ITPRID1: variants seen among roughly 807,000 people sequenced by gnomAD.
The protein encoded by ITPRID1 is ITPR interacting domain containing 1.
In ITPRID1, 96 loss-of-function variants were observed where a neutral mutation model predicts 95.4. That is an observed-to-expected ratio of 1.01 (90% CI 0.85 to 1.19). The LOEUF is 1.19. Ranked by LOEUF, ITPRID1 falls within the 50% of genes most tolerant of loss-of-function variation. The pLI, the probability that ITPRID1 is intolerant of heterozygous loss-of-function variation, is 0.00. For synonymous variants in ITPRID1, 510 were observed against 453.6 expected, an observed-to-expected ratio of 1.12 and a Z score of -1.58; for missense variants, 1,339 against 1,252.9, an observed-to-expected ratio of 1.07 and a Z score of -1.04.
chr7:31,575,431 A>T (rs1414024621), intron 8 of ITPRID1, among the ~76,000 whole-genome samples: 2 of 152,228 alleles, frequency 1.3e-5, no homozygotes, highest in Non-Finnish European at 2.9e-5. Flanking sequence ...CTGGTGGTCA[A>T]TGTAATCCTT....
intron 10 of ITPRID1, among the ~76,000 whole-genome samples, chr7:31,617,748 T>C (rs1787400787): frequency 6.6e-6 from 1 of 152,162 alleles, no homozygotes; most frequent in Non-Finnish European, 1.5e-5. Flanking sequence ...CTACCTAAAA[T>C]GAGTTCAATG....
chr7:31,617,698 G>C (rs1787394534), intron 10 of ITPRID1, among the ~76,000 whole-genome samples: 1 of 151,834 alleles, frequency 6.6e-6, no homozygotes, highest in African/African-American at 2.4e-5. Context: ...ATTTATATTA[G>C]TGCTCCCTCC....
chr7:31,598,549 G>A (rs1035171681), intron 10 of ITPRID1, among the ~76,000 whole-genome samples: 2 of 151,550 alleles, frequency 1.3e-5, no homozygotes, highest in Middle Eastern at 3.4e-3. Flanking sequence ...GACTACAGGC[G>A]CCCGCTACCA....
intron 10 of ITPRID1, among the ~76,000 whole-genome samples, chr7:31,631,579 T>A (rs1344938140): frequency 6.6e-6 from 1 of 152,200 alleles, no homozygotes; most frequent in Non-Finnish European, 1.5e-5. Flanking sequence ...CAAAGATAAG[T>A]TAATTTTACA....
At chr7:31,621,786 G>T (rs1021066136) in intron 10 of ITPRID1, among the ~76,000 whole-genome samples, 2 of 149,114 alleles carry the variant, frequency 1.3e-5, no homozygotes, top group African/African-American at 4.9e-5. Flanking sequence ...TGGACTAAAT[G>T]CTCCAATTAA....
Position 31,571,944 on chromosome 7 carries a change from C to T in ITPRID1, c.309-158C>T, listed in dbSNP as rs73689139. Among the ~76,000 whole-genome samples, 836 of 152,320 alleles carry T rather than the reference C, an allele frequency of 5.5e-3. 14 individuals are homozygous for T. The highest frequency in any genetic ancestry group is 0.019 in the African/African-American group (795 of 41,578). ...CTCTTGAAAACAGGAGCAGCTCCTC[C>T]ACTGCAAGCTGTCTTCTGCAAAGGT... On this transcript the variant is annotated intron_variant, in intron 6 of 14. Transcript: ENST00000615280.
intron 10 of ITPRID1, among the ~76,000 whole-genome samples, chr7:31,637,879 G>T (rs920735563): frequency 1.3e-5 from 2 of 152,112 alleles, no homozygotes; most frequent in Admixed American, 6.6e-5. Flanking sequence ...GGTCTAACAT[G>T]TAAGTCTTTA....
chr7:31,546,820 T>G (rs748985426), intron 1 of ITPRID1, among the ~76,000 whole-genome samples: 9 of 152,054 alleles, frequency 5.9e-5, no homozygotes, highest in Non-Finnish European at 1.0e-4. Flanking sequence ...TGATTTACAC[T>G]GAACTATGGG....
chr7:31,567,583 CTT>C (rs377413846), intron 5 of ITPRID1, among the ~76,000 whole-genome samples: 1,346 of 131,562 alleles, frequency 0.01, 13 homozygotes, highest in African/African-American at 0.028. Flanking sequence ...CCGCCTGACT[CTT>C]TTTTTTTTTT....
At chr7:31,558,854 T>C (rs1475389724) in intron 5 of ITPRID1, among the ~76,000 whole-genome samples, 1 of 152,162 alleles carries the variant, frequency 6.6e-6, no homozygotes, top group Non-Finnish European at 1.5e-5. Flanking sequence ...TGAGCCAATT[T>C]TGGGTGGCAG....
At chr7:31,585,320 C>T (rs942795274) in intron 10 of ITPRID1, among the ~76,000 whole-genome samples, 10 of 152,228 alleles carry the variant, frequency 6.6e-5, no homozygotes, top group Non-Finnish European at 1.5e-4. Flanking sequence ...ACTCTGCATA[C>T]TAGCAGAAAA....
intron 10 of ITPRID1, among the ~76,000 whole-genome samples, chr7:31,585,542 A>C (rs2128150828): frequency 6.6e-6 from 1 of 152,292 alleles, no homozygotes; most frequent in Non-Finnish European, 1.5e-5. Context: ...ATATTCTCTA[A>C]GACTAGGACT....
chr7:31,524,103 A>G (rs538705786), intron 1 of ITPRID1, among the ~76,000 whole-genome samples: 2 of 152,192 alleles, frequency 1.3e-5, no homozygotes, highest in Admixed American at 6.5e-5. Flanking sequence ...TATGACAACT[A>G]CTTAATGACC....
At chr7:31,562,957 G>T (rs1324248271) in intron 5 of ITPRID1, among the ~76,000 whole-genome samples, 2 of 152,110 alleles carry the variant, frequency 1.3e-5, no homozygotes, top group Non-Finnish European at 2.9e-5. Context: ...TACCCATGTG[G>T]CTCTTGGCCA....
chr7:31,540,067 A>G (rs1412559638), intron 1 of ITPRID1, among the ~76,000 whole-genome samples: 4 of 152,166 alleles, frequency 2.6e-5, no homozygotes. Flanking sequence ...TGCTCTGTCA[A>G]TCCAGACCCC....
At chr7:31,590,773 A>G (rs1785832405) in intron 10 of ITPRID1, among the ~76,000 whole-genome samples, 1 of 152,244 alleles carries the variant, frequency 6.6e-6, no homozygotes, top group Non-Finnish European at 1.5e-5. Context: ...TAGTGTCATT[A>G]TATTTAACAA....
intron 10 of ITPRID1, among the ~76,000 whole-genome samples, chr7:31,622,846 T>C (rs942455101): frequency 6.6e-5 from 10 of 151,888 alleles, no homozygotes; most frequent in Non-Finnish European, 1.0e-4. Flanking sequence ...ATCAACAAAA[T>C]TGATAGACCG....
downstream of ITPRID1, among the ~76,000 whole-genome samples, chr7:31,657,407 AC>A (rs913210567): frequency 2.6e-5 from 4 of 152,234 alleles, no homozygotes; most frequent in Non-Finnish European, 5.9e-5. Context: ...TTTTAAATAA[AC>A]AAAGATCTCA....
chr7:31,533,893 A>G (rs764466259), intron 1 of ITPRID1, among the ~76,000 whole-genome samples: 3 of 152,094 alleles, frequency 2.0e-5, no homozygotes, highest in African/African-American at 4.8e-5. Context: ...GGGGTCCCCA[A>G]CCCCAGGCTG....
Sources: allele counts gnomAD v4.1 joint callset (sites outside exome capture counted in the v4.1 genomes callset), GRCh38; gene constraint gnomAD v4.1.1; transcripts MANE v1.5; gene names NCBI Gene and HGNC (gene_info 2026-07-23, HGNC 2026-07-21).